The following WNK3 variants were observed in gnomAD, a reference collection of about 807,000 sequenced individuals.
WNK3 encodes the protein WNK lysine deficient protein kinase 3.
In WNK3, 18 loss-of-function variants were observed where a neutral mutation model predicts 116.7. That is an observed-to-expected ratio of 0.15 (90% CI 0.11 to 0.23). WNK3 has a LOEUF of 0.23. Among genes scored for constraint, WNK3 ranks in the 10% least tolerant of loss-of-function variants. The pLI, the probability that WNK3 is intolerant of heterozygous loss-of-function variation, is 1.00. For missense variants in WNK3, 993 were observed against 1,323.8 expected (o/e 0.75, Z 3.88); for synonymous variants, 404 against 469.4 (o/e 0.86, Z 1.80).
At chrX:54,306,438 T>C (rs1359342976) in intron 5 of WNK3, among the ~76,000 whole-genome samples, 1 of 112,122 alleles carries the variant, frequency 8.9e-6, no homozygotes, top group Non-Finnish European at 1.9e-5. Flanking sequence ...GGTATATATA[T>C]ACAATGGAAT....
intron 10 of WNK3, among the ~76,000 whole-genome samples, chrX:54,277,143 CT>C (rs1167259379): frequency 9.0e-6 from 1 of 111,008 alleles, no homozygotes; most frequent in African/African-American, 3.3e-5. Flanking sequence ...CTTGTCCCCC[CT>C]AAGACTCGGA....
In WNK3 at chrX:54,294,729, C is replaced by T. The variant is rs782571046; in HGVS notation, c.1517G>A (p.Arg506His). Residue 506 changes from arginine (R) to histidine (H), a missense_variant, in exon 8 of 24, where the codon CGC becomes CAC. Arg to His is a conservative substitution (Grantham distance 29, BLOSUM62 0). Around this residue, in one of 4 missense-constraint regions of WNK3, gnomAD observed 836 missense variants for 976.5 expected, o/e 0.86. Transcript: ENST00000354646. ...CATAGACTTGCACTGAGAATCCCTG[C>T]GTTCTTCCAAACAGCCAGCAGGCTT... 4.1e-5 allele frequency: 50 copies of T among 1,208,795 alleles called. No individual in the cohort carries two copies. The South Asian group carries it at 4.2e-4, about 10-fold the overall frequency.
chrX:54,194,000 T>C (rs1386639098), exon 24 of WNK3: 1 of 111,334 alleles, frequency 9.0e-6, no homozygotes, highest in East Asian at 2.8e-4. Flanking sequence ...GAAGATAAAA[T>C]AACTGAATCC....
chrX:54,237,574 T>C (rs1557150559), intron 19 of WNK3, 23 bp from the exon 20 acceptor site: 1 of 1,144,775 alleles, frequency 8.7e-7, no homozygotes, highest in African/African-American at 1.8e-5. Flanking sequence ...AACGTAAAAG[T>C]GGTTAGCATA....
rs782298211 is a variant in WNK3 at position 54,294,730 on chromosome X, G to A, written c.1516C>T (p.Arg506Cys). Reference sequence around the variant, plus strand: ...ATAGACTTGCACTGAGAATCCCTGCGTTCTTCCAAACAGCCAGCAGGCTTC... The same window carrying A: ...ATAGACTTGCACTGAGAATCCCTGCATTCTTCCAAACAGCCAGCAGGCTTC... The change falls in exon 8 of 24, where the codon CGC becomes TGC. Residue 506 changes from arginine to cysteine, a missense_variant. By Grantham distance (180) the Arg-to-Cys change is radical. Around this residue, in one of 4 missense-constraint regions of WNK3, gnomAD observed 836 missense variants for 976.5 expected, o/e 0.86. Coordinates refer to ENST00000354646, the Ensembl canonical transcript of WNK3. The A allele has an allele frequency of 2.7e-5, 33 of 1,208,700 alleles. No individual in the cohort carries two copies. In the East Asian group the frequency reaches 9.5e-4, roughly 35 times the overall value.
chrX:54,263,878 G>A (rs184680857), intron 10 of WNK3, among the ~76,000 whole-genome samples: 1 of 109,605 alleles, frequency 9.1e-6, no homozygotes, highest in Non-Finnish European at 1.9e-5. Flanking sequence ...AATTGTTGGT[G>A]AAGGCAAGAT....
At chrX:54,248,248 C>T (rs1298437373) in intron 17 of WNK3, among the ~76,000 whole-genome samples, 1 of 109,725 alleles carries the variant, frequency 9.1e-6, no homozygotes, top group African/African-American at 3.3e-5. Flanking sequence ...AAAAAAAAGT[C>T]ATGGTATTAA....
chrX:54,316,671 A>T (rs782740914), intron 2 of WNK3, among the ~76,000 whole-genome samples: 6 of 110,626 alleles, frequency 5.4e-5, no homozygotes. Context: ...AATCTCTACA[A>T]CTTTGAGAAA....
intron 2 of WNK3, among the ~76,000 whole-genome samples, chrX:54,331,109 C>A (rs2147254277): frequency 9.1e-6 from 1 of 109,779 alleles, no homozygotes; most frequent in Admixed American, 9.8e-5. Flanking sequence ...CTAATGGATG[C>A]TGGGCTAAAT....
chrX:54,339,174 A>G (rs1160539534), intron 1 of WNK3, among the ~76,000 whole-genome samples: 1 of 111,243 alleles, frequency 9.0e-6, no homozygotes, highest in African/African-American at 3.3e-5. Flanking sequence ...ATCTAACAAC[A>G]GAGTCCCAAA....
intron 22 of WNK3, among the ~76,000 whole-genome samples, chrX:54,205,421 T>A (rs953701356): frequency 8.9e-6 from 1 of 111,814 alleles, no homozygotes; most frequent in Non-Finnish European, 1.9e-5. Context: ...AAATACTCAA[T>A]TGGCAGTAAA....
exon 1 of WNK3, chrX:54,357,949 G>A (rs1200159462): frequency 8.9e-6 from 1 of 112,626 alleles, no homozygotes; most frequent in Non-Finnish European, 1.9e-5. Flanking sequence ...GGTAAAGAGC[G>A]GGCGGAGAGA....
At chrX:54,256,335 T>C (rs1569536894) in intron 11 of WNK3, among the ~76,000 whole-genome samples, 1 of 112,064 alleles carries the variant, frequency 8.9e-6, no homozygotes, top group East Asian at 2.8e-4. Context: ...AAAATATACT[T>C]GTTTATGTAA....
At chrX:54,237,329 G>A in exon 20 of WNK3, 2 of 1,211,479 alleles carry the variant, frequency 1.7e-6, no homozygotes, top group Non-Finnish European at 2.2e-6. Flanking sequence ...CCTTGTTTGG[G>A]AACTCCTTTA....
chrX:54,219,769 T>C (rs782030231), intron 22 of WNK3, among the ~76,000 whole-genome samples: 3 of 108,814 alleles, frequency 2.8e-5, no homozygotes, highest in Non-Finnish European at 5.7e-5. Flanking sequence ...ATAGACATCA[T>C]GCTCTGCATG....
At position 54,339,674 on chromosome X, in the gene WNK3, C is replaced by T. The variant is rs1416945969; in HGVS notation, c.-119-5882G>A. Among the ~76,000 whole-genome samples the T allele has an allele frequency of 4.5e-5, 5 of 111,790 alleles. No individual in the cohort carries two copies. The Admixed American group carries it at 4.8e-4, about 11-fold the overall frequency. ...CCAAACTTGTGGCATAACTGCAATC[C>T]ACATGCAAAAGAATGAAGCTGGACC... On this transcript the variant is annotated intron_variant, in intron 1 of 23. Transcript: ENST00000354646.
intron 7 of WNK3, among the ~76,000 whole-genome samples, chrX:54,295,916 T>C (rs1400837523): frequency 9.0e-6 from 1 of 111,277 alleles, no homozygotes; most frequent in Non-Finnish European, 1.9e-5. Flanking sequence ...CTCGAACTCC[T>C]GGGCTCAAGC....
chrX:54,304,390 A>C (rs2068800412), intron 5 of WNK3, among the ~76,000 whole-genome samples: 1 of 109,325 alleles, frequency 9.1e-6, no homozygotes, highest in Non-Finnish European at 1.9e-5. Flanking sequence ...AAGAAAAAAA[A>C]AATAGCTGCG....
chrX:54,265,377 C>G (rs916919859), intron 10 of WNK3, among the ~76,000 whole-genome samples: 2 of 111,214 alleles, frequency 1.8e-5, no homozygotes, highest in African/African-American at 6.5e-5. Flanking sequence ...ATTCCAGCTA[C>G]TTGGGAGGCT....
Sources: gnomAD v4.1 joint callset for allele counts (sites outside exome capture counted in the v4.1 genomes callset) on GRCh38, gnomAD v4.1.1 for gene constraint, gnomAD v4.1.1 regional missense constraint, MANE v1.5 for transcripts, NCBI Gene and HGNC (gene_info 2026-07-23, HGNC 2026-07-21) for gene names.